The following CCSER1 variants were observed in gnomAD, a reference collection of about 807,000 sequenced individuals.
CCSER1 encodes coiled-coil serine rich protein 1.
A neutral mutation model predicts 82.0 loss-of-function variants in CCSER1; 41 were observed. The observed-to-expected ratio is 0.50, with a 90% CI of 0.39 to 0.65. The LOEUF (loss-of-function observed/expected upper bound fraction) is 0.65, where lower values mean the gene tolerates loss of function less well. Among genes scored for constraint, CCSER1 ranks in the 30% least tolerant of loss-of-function variants. CCSER1 has a pLI of 0.00. For missense variants in CCSER1, 1,119 were observed against 1,064.2 expected, an observed-to-expected ratio of 1.05 and a Z score of -0.72; for synonymous variants, 414 against 383.9, an observed-to-expected ratio of 1.08 and a Z score of -0.92.
intron 10 of CCSER1, among the ~76,000 whole-genome samples, chr4:91,441,625 G>A (rs1410751198): frequency 6.6e-6 from 1 of 152,124 alleles, no homozygotes; most frequent in Admixed American, 6.6e-5. Flanking sequence ...GGTCAGGGCA[G>A]TTAGGCAGGA....
intron 8 of CCSER1, among the ~76,000 whole-genome samples, chr4:90,857,577 A>G (rs1036180388): frequency 1.3e-5 from 2 of 152,122 alleles, no homozygotes; most frequent in Non-Finnish European, 2.9e-5. Context: ...CATAAAGTGC[A>G]TGAACACCAG....
intron 10 of CCSER1, among the ~76,000 whole-genome samples, chr4:91,109,060 G>C (rs1725872396): frequency 6.6e-6 from 1 of 152,144 alleles, no homozygotes; most frequent in South Asian, 2.1e-4. Context: ...CAGAACTCCA[G>C]ATTCTCTGGC....
chr4:91,083,986 A>G (rs910272798), intron 9 of CCSER1, among the ~76,000 whole-genome samples: 3 of 152,086 alleles, frequency 2.0e-5, no homozygotes, highest in Admixed American at 1.3e-4. Context: ...TGAAAACAAT[A>G]CTCCCATGAT....
chr4:91,113,922 G>A (rs1242726904), intron 10 of CCSER1, among the ~76,000 whole-genome samples: 1 of 151,000 alleles, frequency 6.6e-6, no homozygotes, highest in Non-Finnish European at 1.5e-5. Context: ...GCGCGATCTC[G>A]GCTCACTGCA....
intron 10 of CCSER1, among the ~76,000 whole-genome samples, chr4:91,447,564 A>T (rs1166391168): frequency 1.3e-5 from 2 of 152,138 alleles, no homozygotes; most frequent in Non-Finnish European, 2.9e-5. Context: ...ATGAAATTTG[A>T]ATTATTTAAA....
intron 1 of CCSER1, among the ~76,000 whole-genome samples, chr4:90,286,375 C>G (rs1043626037): frequency 6.6e-6 from 1 of 151,896 alleles, no homozygotes; most frequent in Non-Finnish European, 1.5e-5. Flanking sequence ...GAAAGTGAAG[C>G]AGACTATGAT....
intron 3 of CCSER1, among the ~76,000 whole-genome samples, chr4:90,339,177 C>T (rs1285450511): frequency 6.6e-6 from 1 of 152,190 alleles, no homozygotes; most frequent in East Asian, 1.9e-4. Context: ...ACTTGAACTT[C>T]TTCCTGCCTG....
rs573132131 is a variant in CCSER1, at chr4:90,204,543, T to C, written c.-42+76712T>C. Among the ~76,000 whole-genome samples the C allele has an allele frequency of 2.0e-5, 3 of 152,290 alleles. No homozygotes were observed. The East Asian group carries it at 5.8e-4, about 29-fold the overall frequency. On this transcript the variant is annotated intron_variant, in intron 1 of 10. Coordinates refer to ENST00000509176, the MANE Select transcript of CCSER1 (RefSeq NM_001145065.2). ...TTTCTGAGACCTCTGTTGTGTTCCATTGGTCTATATATCTGTTTTGGTACC... is the reference window on the plus strand; with the variant it reads ...TTTCTGAGACCTCTGTTGTGTTCCACTGGTCTATATATCTGTTTTGGTACC...
chr4:90,904,194 A>T (rs939596080), intron 8 of CCSER1, among the ~76,000 whole-genome samples: 5 of 152,104 alleles, frequency 3.3e-5, no homozygotes, highest in Non-Finnish European at 7.4e-5. Context: ...CTAAACGGAA[A>T]TTTATCAAAA....
intron 10 of CCSER1, among the ~76,000 whole-genome samples, chr4:91,389,495 T>C (rs569416276): frequency 1.3e-5 from 2 of 152,192 alleles, no homozygotes; most frequent in African/African-American, 4.8e-5. Context: ...ATAATAGGTC[T>C]CAAAGTTAGG....
At chr4:90,620,517 TC>T (rs1722110887) in intron 5 of CCSER1, among the ~76,000 whole-genome samples, 2 of 152,312 alleles carry the variant, frequency 1.3e-5, no homozygotes, top group South Asian at 4.1e-4. Flanking sequence ...ACAAGTACTG[TC>T]CCTGTTACCT....
At chr4:90,514,391 G>A (rs1771958877) in intron 5 of CCSER1, among the ~76,000 whole-genome samples, 1 of 152,098 alleles carries the variant, frequency 6.6e-6, no homozygotes, top group Non-Finnish European at 1.5e-5. Context: ...GACTATAGAT[G>A]TAAAATGATA....
chr4:90,627,997 T>G, intron 5 of CCSER1, 28 bp from the exon 6 acceptor site: 1 of 1,546,730 alleles, frequency 6.5e-7, no homozygotes, highest in Non-Finnish European at 8.7e-7. Context: ...TGCACTGTAA[T>G]TTTTGTTCTT....
chr4:90,816,739 C>T (rs1306708378), intron 8 of CCSER1, among the ~76,000 whole-genome samples: 2 of 152,086 alleles, frequency 1.3e-5, no homozygotes, highest in Non-Finnish European at 2.9e-5. Flanking sequence ...ATTTCAGACT[C>T]ACAATAGTGT....
chr4:91,553,192 A>G (rs1006634647), intron 10 of CCSER1, among the ~76,000 whole-genome samples: 1 of 151,578 alleles, frequency 6.6e-6, no homozygotes, highest in African/African-American at 2.4e-5. Flanking sequence ...AATGTGTTAG[A>G]TCACATTTTT....
intron 9 of CCSER1, among the ~76,000 whole-genome samples, chr4:91,077,795 A>G (rs1403474907): frequency 6.6e-6 from 1 of 152,240 alleles, no homozygotes; most frequent in Non-Finnish European, 1.5e-5. Context: ...CCAGGAGATT[A>G]TATCCCACAC....
chr4:90,238,482 GC>G (rs1746221425), intron 1 of CCSER1, among the ~76,000 whole-genome samples: 1 of 152,156 alleles, frequency 6.6e-6, no homozygotes, highest in South Asian at 2.1e-4. Context: ...TAATGCAACA[GC>G]TAACATTTTC....
intron 10 of CCSER1, among the ~76,000 whole-genome samples, chr4:91,229,149 G>A (rs541658554): frequency 6.6e-6 from 1 of 152,058 alleles, no homozygotes; most frequent in East Asian, 1.9e-4. Flanking sequence ...GAAAGGTAAA[G>A]GTTAAAAGAA....
At chr4:90,323,896 A>G (rs1258333988) in intron 3 of CCSER1, among the ~76,000 whole-genome samples, 1 of 151,896 alleles carries the variant, frequency 6.6e-6, no homozygotes, top group Non-Finnish European at 1.5e-5. Flanking sequence ...TTCAGTTCCC[A>G]TCTATGAGTG....
Sources: gnomAD v4.1 joint callset for allele counts (sites outside exome capture counted in the v4.1 genomes callset) on GRCh38, gnomAD v4.1.1 for gene constraint, MANE v1.5 for transcripts, NCBI Gene and HGNC (gene_info 2026-07-23, HGNC 2026-07-21) for gene names.